Variants in BRPF1 observed in about 807,000 individuals in gnomAD.
BRPF1 encodes the protein bromodomain and PHD finger containing 1, also known as peregrin.
BRPF1 carries 15 observed loss-of-function variants against 115.0 expected under a neutral mutation model. That is an observed-to-expected ratio of 0.13 (90% CI 0.09 to 0.20). The LOEUF (loss-of-function observed/expected upper bound fraction) is 0.20. Ranked by LOEUF, BRPF1 falls within the 10% of genes least tolerant of loss-of-function variation. The pLI is 1.00. For synonymous variants in BRPF1, 647 were observed against 619.8 expected (o/e 1.04, Z -0.65); for missense variants, 1,118 against 1,638.3 (o/e 0.68, Z 5.48).
At position 9,734,316 on chromosome 3, in the gene BRPF1, G is replaced by A. The variant is rs758206363; in HGVS notation, c.176G>A (p.Arg59His). 3.7e-6 allele frequency: 6 copies of A among 1,613,908 alleles called. No individual in the cohort carries two copies. Among genetic ancestry groups the A allele is most frequent in the South Asian group, 1.1e-5 (1 of 91,082 alleles). ...CCACCCCCACAACAAACTCCACTCC[G>A]CAAGCACAAGAAAAAGGGGCGCCAG... ...NPPPPQQTPLRKHKKKGRQSR... is the reference protein window; with the variant it reads ...NPPPPQQTPLHKHKKKGRQSR... The change falls in exon 2 of 14, where the codon CGC (arginine) becomes CAC (histidine). Residue 59 changes from arginine to histidine, a missense_variant. This residue lies in a region of BRPF1 where 280 missense variants were observed against 382.8 expected (regional missense o/e 0.73). Transcript: ENST00000383829. This position sits in a 1 kb window ranked among gnomAD's most constrained non-coding sequence, Gnocchi z 5.7.
rs2076854272 is a variant in BRPF1, at chr3:9,731,765, T to TGCCGCCGCCGCTGCTGCC, written c.-370_-369insTGCCGCCGCCGCCGCTGC. Reference sequence around the variant, plus strand: ...GCGCAGACGCCGTCGCCGCCGCTGCTGCCGCCGCCGCTGCCACAGCCTTTG... The same window carrying TGCCGCCGCCGCTGCTGCC: ...GCGCAGACGCCGTCGCCGCCGCTGCTGCCGCCGCCGCTGCTGCCGCCGCCGCCGCTGCCACAGCCTTTG... On this transcript the variant is annotated 5_prime_UTR_variant, in exon 1 of 14. Transcript: ENST00000383829. 1 of 157,380 alleles carries TGCCGCCGCCGCTGCTGCC rather than the reference T, an allele frequency of 6.4e-6. No individual in the cohort carries two copies. Among genetic ancestry groups the TGCCGCCGCCGCTGCTGCC allele is most frequent in the African/African-American group, 2.4e-5 (1 of 41,506 alleles). 9.7% of individuals were successfully genotyped at this position (157,380 alleles called of 1,614,324 possible). A position where few individuals can be genotyped will look rare whatever the true frequency, so the allele number is the denominator to read the frequency against.
Position 9,745,252 on chromosome 3 carries a change from T to C in BRPF1, c.3068+97T>C. 7.0e-7 allele frequency: 1 copy of C among 1,430,032 alleles called. No homozygotes were observed. Among genetic ancestry groups the C allele is most frequent in the Non-Finnish European group, 9.4e-7 (1 of 1,067,932 alleles). 88.6% of individuals were successfully genotyped at this position (1,430,032 alleles called of 1,614,324 possible). On this transcript the variant is annotated intron_variant, in intron 10 of 13. Transcript: ENST00000383829. The surrounding 1 kb of genome is among the most constrained non-coding windows in gnomAD (Gnocchi z 5.1). ...CCTGTTGGAAGTGGGGTGGCAGCCA[T>C]CTCAGTCTAGATTAAGATGGCTCAA...
Position 9,734,149 on chromosome 3 carries a change from G to A in BRPF1, c.9G>A (p.Val3=). 1 of 1,604,992 alleles carries A rather than the reference G, an allele frequency of 6.2e-7. No homozygotes were observed. The highest frequency in any genetic ancestry group is 8.5e-7 in the Non-Finnish European group (1 of 1,174,194). MG[V]DFDVKTFCHN... Reference sequence around the variant, plus strand: ...ATTCTAGATGTGACAGCATGGGGGTGGACTTTGATGTGAAGACTTTCTGCC... The same window carrying A: ...ATTCTAGATGTGACAGCATGGGGGTAGACTTTGATGTGAAGACTTTCTGCC... Residue 3 remains valine (V), a synonymous_variant, in exon 2 of 14, where the codon GTG becomes GTA. Coordinates refer to ENST00000383829, the MANE Select transcript of BRPF1 (RefSeq NM_001003694.2). The surrounding 1 kb of genome is among the most constrained non-coding windows in gnomAD (Gnocchi z 5.7).
rs1286258974 is a variant in BRPF1, at chr3:9,734,484, A to G, written c.344A>G (p.Asn115Ser). The change falls in exon 2 of 14, where the codon AAC becomes AGC. Residue 115 changes from asparagine to serine, a missense_variant. Coordinates refer to ENST00000383829, the MANE Select transcript of BRPF1 (RefSeq NM_001003694.2). The surrounding 1 kb of genome is among the most constrained non-coding windows in gnomAD (Gnocchi z 5.7). ...GTCCACCGCATCAGCATCTTTGACA[A>G]CCTGGATGTGGTGTCAGAGGATGAG... is the stretch of plus-strand genomic sequence containing the variant. ...GRVHRISIFD[N>S]LDVVSEDEEA... 1.9e-6 allele frequency: 3 copies of G among 1,614,122 alleles called. No individual in the cohort carries two copies. Among genetic ancestry groups the G allele is most frequent in the East Asian group, 4.5e-5 (2 of 44,870 alleles).
rs35926012 is a variant in BRPF1 at position 9,743,809 on chromosome 3, G to A, written c.2543G>A (p.Arg848Gln). 5.3e-4 allele frequency: 858 copies of A among 1,611,276 alleles called. 7 individuals are homozygous for A. The highest frequency in any genetic ancestry group is 3.1e-4 in the Non-Finnish European group (361 of 1,177,798). Residue 848 changes from arginine to glutamine, a missense_variant, in exon 8 of 14, where the codon CGG becomes CAG. Arg to Gln is a conservative substitution (Grantham distance 43, BLOSUM62 1). Around this residue, in one of 10 missense-constraint regions of BRPF1, gnomAD observed 223 missense variants for 240.7 expected, o/e 0.93. Transcript: ENST00000383829. The surrounding 1 kb of genome is among the most constrained non-coding windows in gnomAD (Gnocchi z 6.1). ...CCTGAGCGGCATGGCCCCTCGAGCC[G>A]GGGTAGTCTGACACCCCACCCGGCA... ...DGPERHGPSS[R>Q]GSLTPHPAAC...
Position 9,745,866 on chromosome 3 carries a change from C to T in BRPF1, c.3260C>T (p.Ser1087Phe), listed in dbSNP as rs137999365. ...GAGWLSEDED[S>F]PLDALDLVWA... Reference sequence around the variant, plus strand: ...GGCTGGCTGTCAGAGGATGAGGACTCCCCGCTGGATGCTCTGGACCTCGTG... The same window carrying T: ...GGCTGGCTGTCAGAGGATGAGGACTTCCCGCTGGATGCTCTGGACCTCGTG... Residue 1087 changes from serine (S) to phenylalanine (F), a missense_variant, in exon 12 of 14, where the codon TCC (serine) becomes TTC (phenylalanine). Ser to Phe is a radical substitution (Grantham distance 155, BLOSUM62 -2). Transcript: ENST00000383829. This position sits in a 1 kb window ranked among gnomAD's most constrained non-coding sequence, Gnocchi z 5.1. 1.2e-6 allele frequency: 2 copies of T among 1,614,154 alleles called. No homozygotes were observed. The highest frequency in any genetic ancestry group is 1.7e-6 in the Non-Finnish European group (2 of 1,180,030).
At chr3:9,744,689 C>T (rs979289881) in intron 9 of BRPF1, among the ~76,000 whole-genome samples, 181 bp downstream of exon 9, 3 of 152,246 alleles carry the variant, frequency 2.0e-5, no homozygotes, top group African/African-American at 7.2e-5. Context: ...GACACTACGA[C>T]CCAGCTAAAG....
At chr3:9,741,657 G>T (rs990338583) in intron 5 of BRPF1, among the ~76,000 whole-genome samples, 28 of 126,648 alleles carry the variant, frequency 2.2e-4, no homozygotes, top group African/African-American at 6.6e-4. Flanking sequence ...AAAAAAAAAA[G>T]ACCCAGGAGA....
chr3:9,733,476 G>A (rs159146), intron 1 of BRPF1: 40,673 of 152,192 alleles, frequency 0.27, 5,834 homozygotes, highest in African/African-American at 0.35. Context: ...CCCAGTCCAG[G>A]GGGGAGACAA....
At position 9,745,685 on chromosome 3, in the gene BRPF1, ACTGGCCGCGGCGTGGGCC is replaced by A. The variant is rs779296647; in HGVS notation, c.3182_3199del (p.Thr1061_His1067delinsAsn). On this transcript the variant is annotated inframe_deletion, in exon 11 of 14. Coordinates refer to ENST00000383829, the MANE Select transcript of BRPF1 (RefSeq NM_001003694.2). This position sits in a 1 kb window ranked among gnomAD's most constrained non-coding sequence, Gnocchi z 5.1. ...TGAGAATGAGGCCTACTCCGTGGGC[ACTGGCCGCGGCGTGGGCC>A]ACAGCAGTAAGTTCCCTTGCCCAAG... 1 of 1,614,248 alleles carries A rather than the reference ACTGGCCGCGGCGTGGGCC, an allele frequency of 6.2e-7. No individual in the cohort carries two copies. The highest frequency in any genetic ancestry group is 8.5e-7 in the Non-Finnish European group (1 of 1,180,032).
intron 13 of BRPF1, among the ~76,000 whole-genome samples, chr3:9,746,861 G>T (rs1338569272): frequency 6.6e-6 from 1 of 152,194 alleles, no homozygotes; most frequent in Non-Finnish European, 1.5e-5. Context: ...TGTCTGCAGA[G>T]GATATTCAAT....
Position 9,745,924 on chromosome 3 carries a change from A to C in BRPF1, c.3318A>C (p.Pro1106=). ...WAKCRGYPSY[P]ALIIDPKMPR... Reference sequence around the variant, plus strand: ...AATGCCGAGGCTATCCATCATACCCAGCTCTGGTATGCTTGCTTCTGTTAC... The same window carrying C: ...AATGCCGAGGCTATCCATCATACCCCGCTCTGGTATGCTTGCTTCTGTTAC... Residue 1106 remains proline (P), a synonymous_variant, in exon 12 of 14, where the codon CCA becomes CCC. Coordinates refer to ENST00000383829, the MANE Select transcript of BRPF1 (RefSeq NM_001003694.2). The surrounding 1 kb of genome is among the most constrained non-coding windows in gnomAD (Gnocchi z 5.1). The C allele has an allele frequency of 1.2e-6, 2 of 1,610,412 alleles. No individual in the cohort carries two copies. The highest frequency in any genetic ancestry group is 1.3e-5 in the African/African-American group (1 of 74,924).
chr3:9,740,045 G>T (rs2125501760), intron 3 of BRPF1, 87 bp downstream of exon 3: 1 of 1,449,668 alleles, frequency 6.9e-7, no homozygotes, highest in East Asian at 2.5e-5. Context: ...GAATGGCAGG[G>T]CTGGGCTATC....
At position 9,747,423 on chromosome 3, in the gene BRPF1, C is replaced by CA; in HGVS notation, c.*75dup. 1.3e-6 allele frequency: 2 copies of CA among 1,551,146 alleles called. No individual in the cohort carries two copies. The highest frequency in any genetic ancestry group is 1.8e-6 in the Non-Finnish European group (2 of 1,135,820). ...CCCTTTGCTCACTGTCCTGGAGTGG[C>CA]ACCGGCCTCTGCACTGACTCATTTC... On this transcript the variant is annotated 3_prime_UTR_variant, in exon 14 of 14. Transcript: ENST00000383829. This position sits in a 1 kb window ranked among gnomAD's most constrained non-coding sequence, Gnocchi z 5.6.
chr3:9,742,383 C>T, intron 6 of BRPF1: 1 of 985,416 alleles, frequency 1.0e-6, no homozygotes, highest in Non-Finnish European at 1.2e-6. Context: ...TGCACTCCTT[C>T]CCCAGAGGCA....
intron 4 of BRPF1, 136 bp downstream of exon 4, chr3:9,741,077 C>A: frequency 9.4e-7 from 1 of 1,065,092 alleles, no homozygotes; most frequent in Admixed American, 2.4e-5. Context: ...CCAGGATCAG[C>A]ATGGAATGTT....
intron 6 of BRPF1, chr3:9,742,606 A>G (rs1018282628): frequency 1.1e-6 from 1 of 939,422 alleles, no homozygotes; most frequent in Non-Finnish European, 1.3e-6. Flanking sequence ...AAAGAGCTGT[A>G]GGAATGCAAG....
chr3:9,733,627 A>G (rs560339046), intron 1 of BRPF1, among the ~76,000 whole-genome samples: 1 of 152,340 alleles, frequency 6.6e-6, no homozygotes, highest in Admixed American at 6.5e-5. Context: ...CACCAATCAG[A>G]AAGTATGGAG....
At position 9,747,614 on chromosome 3, in the gene BRPF1, C is replaced by T. The variant is rs922262869; in HGVS notation, c.*265C>T. On this transcript the variant is annotated 3_prime_UTR_variant, in exon 14 of 14. Transcript: ENST00000383829. The surrounding 1 kb of genome is among the most constrained non-coding windows in gnomAD (Gnocchi z 5.6). ...CCAGAGACCTCACAGCATTGTAGGG[C>T]GGGGTGGTGGGCCAAAGTTAGGACA... 5 of 369,534 alleles carry T rather than the reference C, an allele frequency of 1.4e-5. No homozygotes were observed. The highest frequency in any genetic ancestry group is 1.2e-4 in the Admixed American group (3 of 26,044). 22.9% of individuals were successfully genotyped at this position (369,534 alleles called of 1,614,324 possible). A position where few individuals can be genotyped will look rare whatever the true frequency, so the allele number is the denominator to read the frequency against.
Sources: gnomAD v4.1 joint callset for allele counts (sites outside exome capture counted in the v4.1 genomes callset) on GRCh38, gnomAD v4.1.1 for gene constraint, gnomAD v4.1.1 regional missense constraint, Gnocchi (gnomAD v3.1) non-coding constraint, MANE v1.5 for transcripts, NCBI Gene and HGNC (gene_info 2026-07-23, HGNC 2026-07-21) for gene names.